Variants in PRDM16 observed in about 807,000 individuals in gnomAD.
The protein encoded by PRDM16 is histone-lysine N-methyltransferase PRDM16.
PRDM16 carries 23 observed loss-of-function variants against 110.6 expected under a neutral mutation model. The ratio of observed to expected loss-of-function variants is 0.21; its 90% CI spans 0.15 to 0.29. The LOEUF (loss-of-function observed/expected upper bound fraction) is 0.29, where lower values mean the gene tolerates loss of function less well. Among genes scored for constraint, PRDM16 ranks in the 10% least tolerant of loss-of-function variants. The pLI is 1.00. For synonymous variants in PRDM16, 799 were observed against 781.8 expected (o/e 1.02, Z -0.37); for missense variants, 1,615 against 1,794.3 (o/e 0.90, Z 1.81).
chr1:3,266,521 G>T (rs1640296989), intron 3 of PRDM16, among the ~76,000 whole-genome samples: 1 of 152,330 alleles, frequency 6.6e-6, no homozygotes, highest in African/African-American at 2.4e-5. Context: ...TGGAGGCATT[G>T]CTGCTCCGCT....
intron 3 of PRDM16, among the ~76,000 whole-genome samples, chr1:3,376,098 G>A (rs1569607594): frequency 1.3e-5 from 2 of 152,274 alleles, no homozygotes; most frequent in Middle Eastern, 3.4e-3. Context: ...TTGGTGTTTA[G>A]GGGGAGATGA....
intron 2 of PRDM16, among the ~76,000 whole-genome samples, chr1:3,204,068 C>A (rs4648368): frequency 0.13 from 20,125 of 152,266 alleles, 1,572 homozygotes; most frequent in African/African-American, 0.2. Flanking sequence ...GTGATTAGAA[C>A]TCAGGGCCAG....
chr1:3,289,325 G>A (rs1341168582), intron 3 of PRDM16, among the ~76,000 whole-genome samples: 1 of 152,250 alleles, frequency 6.6e-6, no homozygotes, highest in East Asian at 1.9e-4. Flanking sequence ...GAAATCTGCA[G>A]GTGGGCAAGC....
At chr1:3,330,526 A>G (rs936819213) in intron 3 of PRDM16, among the ~76,000 whole-genome samples, 3 of 151,840 alleles carry the variant, frequency 2.0e-5, no homozygotes, top group African/African-American at 7.3e-5. Context: ...AGGCATCCCC[A>G]CCACATCCCC....
Position 3,382,767 on chromosome 1 carries a change from C to T in PRDM16, c.439-2385C>T, listed in dbSNP as rs956136529. On this transcript the variant is annotated intron_variant, in intron 3 of 16. Transcript: ENST00000270722. The surrounding 1 kb of genome is among the most constrained non-coding windows in gnomAD (Gnocchi z 6.6). ...TGCTCCAGCTTTGAAGACAAAAATC[C>T]GGGTCCCAGGTGGGAGGGCACGGCC... Among the ~76,000 whole-genome samples the T allele has an allele frequency of 2.6e-5, 4 of 152,200 alleles. No individual in the cohort carries two copies. Among genetic ancestry groups the T allele is most frequent in the African/African-American group, 9.6e-5 (4 of 41,454 alleles).
chr1:3,078,741 C>T (rs1641953486), intron 1 of PRDM16, among the ~76,000 whole-genome samples: 2 of 152,192 alleles, frequency 1.3e-5, no homozygotes, highest in South Asian at 4.1e-4. Context: ...GAGGAACGGG[C>T]TCTGAATGTG....
intron 3 of PRDM16, among the ~76,000 whole-genome samples, chr1:3,341,860 A>G (rs1002983296): frequency 6.6e-6 from 1 of 152,234 alleles, no homozygotes; most frequent in Non-Finnish European, 1.5e-5. Flanking sequence ...TTCCGAGGAC[A>G]TCTGAGGCAG....
chr1:3,435,331 A>T lies in PRDM16; in HGVS notation c.*1520A>T. 4.4e-6 allele frequency: 1 copy of T among 229,266 alleles called. No homozygotes were observed. The highest frequency in any genetic ancestry group is 8.7e-6 in the Non-Finnish European group (1 of 115,602). The allele number at this position is 229,266 out of a possible 1,614,324, so 14.2% of individuals were successfully genotyped here. On this transcript the variant is annotated 3_prime_UTR_variant, in exon 17 of 17. Coordinates refer to ENST00000270722, the MANE Select transcript of PRDM16 (RefSeq NM_022114.4). Reference sequence around the variant, plus strand: ...GTGAAGAAATAATGTTAATATAAGTATCTGGTGAAGGACCAAAACCGTGTG... The same window carrying T: ...GTGAAGAAATAATGTTAATATAAGTTTCTGGTGAAGGACCAAAACCGTGTG...
At chr1:3,346,040 C>T (rs1169220868) in intron 3 of PRDM16, among the ~76,000 whole-genome samples, 1 of 152,244 alleles carries the variant, frequency 6.6e-6, no homozygotes, top group Admixed American at 6.5e-5. Context: ...GAGGGGCGGG[C>T]TCCAAGGAGA....
chr1:3,112,636 C>T (rs1404054745), intron 1 of PRDM16, among the ~76,000 whole-genome samples: 2 of 152,254 alleles, frequency 1.3e-5, no homozygotes, highest in African/African-American at 4.8e-5. Flanking sequence ...AGCCTGTCCT[C>T]CATCGCTGGT....
intron 2 of PRDM16, among the ~76,000 whole-genome samples, chr1:3,242,051 T>G (rs1444811266): frequency 6.6e-6 from 1 of 152,180 alleles, no homozygotes; most frequent in Non-Finnish European, 1.5e-5. Context: ...GCATGCACTT[T>G]CCCACTGGGA....
chr1:3,214,627 G>C (rs945563091), intron 2 of PRDM16, among the ~76,000 whole-genome samples: 13 of 152,126 alleles, frequency 8.5e-5, no homozygotes, highest in African/African-American at 2.4e-4. Context: ...AGCTCAGGAG[G>C]CAGAGGTTGC....
rs917483091 is a variant in PRDM16, at chr1:3,190,112, G to A, written c.387+3638G>A. On this transcript the variant is annotated intron_variant, in intron 2 of 16. Coordinates refer to ENST00000270722, the MANE Select transcript of PRDM16 (RefSeq NM_022114.4). The surrounding 1 kb of genome is among the most constrained non-coding windows in gnomAD (Gnocchi z 5.0). ...GATGACAGCATGACTCCCTGGGGATGAGAGATGGGGCGGGCAGCACGTGAG... is the reference window on the plus strand; with the variant it reads ...GATGACAGCATGACTCCCTGGGGATAAGAGATGGGGCGGGCAGCACGTGAG... Among the ~76,000 whole-genome samples the A allele has an allele frequency of 6.6e-6, 1 of 152,278 alleles. No homozygotes were observed. The highest frequency in any genetic ancestry group is 1.9e-4 in the East Asian group (1 of 5,162).
At chr1:3,123,382 AC>A (rs1643136687) in intron 1 of PRDM16, among the ~76,000 whole-genome samples, 1 of 152,156 alleles carries the variant, frequency 6.6e-6, no homozygotes, top group African/African-American at 2.4e-5. Flanking sequence ...CAAGTGTGGC[AC>A]CCGTGCAGAG....
chr1:3,069,226 A>C lies in PRDM16; in HGVS notation c.-34A>C. ...ATAGTGTGTGGCTGCTTCTGGACTC[A>C]AGGAGGAGGAGAGAGATTCCGCGAG... On this transcript the variant is annotated 5_prime_UTR_variant, in exon 1 of 17. Coordinates refer to ENST00000270722, the MANE Select transcript of PRDM16 (RefSeq NM_022114.4). The surrounding 1 kb of genome is among the most constrained non-coding windows in gnomAD (Gnocchi z 6.1). 1 of 1,573,532 alleles carries C rather than the reference A, an allele frequency of 6.4e-7. No homozygotes were observed. Among genetic ancestry groups the C allele is most frequent in the Admixed American group, 1.8e-5 (1 of 56,462 alleles).
intron 5 of PRDM16, 25 bp from the exon 6 acceptor site, chr1:3,402,766 C>T: frequency 6.3e-7 from 1 of 1,597,936 alleles, no homozygotes; most frequent in Non-Finnish European, 8.6e-7. Context: ...GCTCACTCAC[C>T]ACCACCTCGT....
chr1:3,133,696 G>A (rs1469773155), intron 1 of PRDM16: 1 of 152,270 alleles, frequency 6.6e-6, no homozygotes, highest in African/African-American at 2.4e-5. Context: ...TGGTTCAGCT[G>A]GGGCTGGCAA....
chr1:3,332,463 C>G (rs970106313), intron 3 of PRDM16, among the ~76,000 whole-genome samples: 28 of 152,122 alleles, frequency 1.8e-4, no homozygotes, highest in Admixed American at 1.8e-3. Flanking sequence ...GCCTGGCCCC[C>G]CCTCGGTTCG....
At chr1:3,117,074 G>A (rs535657539) in intron 1 of PRDM16, among the ~76,000 whole-genome samples, 1 of 152,356 alleles carries the variant, frequency 6.6e-6, no homozygotes, top group Non-Finnish European at 1.5e-5. Flanking sequence ...AAGGGCTAGA[G>A]CAAGGGGCTC....
Sources: gnomAD v4.1 joint callset for allele counts (sites outside exome capture counted in the v4.1 genomes callset) on GRCh38, gnomAD v4.1.1 for gene constraint, Gnocchi (gnomAD v3.1) non-coding constraint, MANE v1.5 for transcripts, NCBI Gene and HGNC (gene_info 2026-07-23, HGNC 2026-07-21) for gene names.